PIEZO2: variants seen among roughly 807,000 people sequenced by gnomAD.
PIEZO2 encodes the protein piezo-type mechanosensitive ion channel component 2.
A neutral mutation model predicts 337.3 loss-of-function variants in PIEZO2; 172 were observed. That is an observed-to-expected ratio of 0.51 (90% CI 0.45 to 0.58). The LOEUF is 0.58. Among genes scored for constraint, PIEZO2 ranks in the 20% least tolerant of loss-of-function variants. PIEZO2 has a pLI of 0.00. For missense variants in PIEZO2, 3,028 were observed against 3,391.3 expected (o/e 0.89, Z 2.66); for synonymous variants, 1,251 against 1,228.5 (o/e 1.02, Z -0.38).
At chr18:10,701,105 T>C (rs1408663001) in intron 43 of PIEZO2, among the ~76,000 whole-genome samples, 1 of 152,208 alleles carries the variant, frequency 6.6e-6, no homozygotes, top group African/African-American at 2.4e-5. Context: ...AGCCTGGTTC[T>C]AAAAAGGATT....
In PIEZO2 at chr18:10,672,718, G is replaced by C. The variant is rs778409627; in HGVS notation, c.8317C>G (p.Pro2773Ala). 3.7e-6 allele frequency: 6 copies of C among 1,613,986 alleles called. No homozygotes were observed. The highest frequency in any genetic ancestry group is 5.1e-6 in the Non-Finnish European group (6 of 1,179,966). Reference protein sequence around the residue: ...LVVFNDKVSPPSLGFLAGYGI... With the variant: ...LVVFNDKVSPASLGFLAGYGI... ...TAGCCAGCCAGGAACCCCAGACTTG[G>C]GGGACTGACTTTGTCATTGAAGACC... is the stretch of plus-strand genomic sequence containing the variant. Residue 2773 changes from proline to alanine, a missense_variant, in exon 55 of 56, where the codon CCA becomes GCA. By Grantham distance (27) the Pro-to-Ala change is conservative (BLOSUM62 -1). Coordinates refer to ENST00000674853, the MANE Select transcript of PIEZO2 (RefSeq NM_001378183.1). The surrounding 1 kb of genome is among the most constrained non-coding windows in gnomAD (Gnocchi z 4.7).
rs1320518942 is a variant in PIEZO2, at chr18:10,784,754, A to G, written c.2492+30T>C. 7 of 1,493,946 alleles carry G rather than the reference A, an allele frequency of 4.7e-6. No individual in the cohort carries two copies. Among genetic ancestry groups the G allele is most frequent in the Middle Eastern group, 1.8e-4 (1 of 5,706 alleles). 92.5% of individuals were successfully genotyped at this position (1,493,946 alleles called of 1,614,324 possible). A position where few individuals can be genotyped will look rare whatever the true frequency, so the allele number is the denominator to read the frequency against. On this transcript the variant is annotated intron_variant, in intron 17 of 55. Transcript: ENST00000674853. This position sits in a 1 kb window ranked among gnomAD's most constrained non-coding sequence, Gnocchi z 4.5. ...GTTGAAGAGCTGCCTTCCTGCTAAT[A>G]AGAGGTCTGTGTTTCTTCCAGTGGC... is the stretch of plus-strand genomic sequence containing the variant.
In PIEZO2 at chr18:10,794,716, G is replaced by C. The variant is rs878955900; in HGVS notation, c.1758+56C>G. ...TAAGGTTTCTCTTGGATACGATTAT[G>C]ATGATGATTGTGGTTTTGTGTCATT... On this transcript the variant is annotated intron_variant, in intron 13 of 55. Transcript: ENST00000674853. The surrounding 1 kb of genome is among the most constrained non-coding windows in gnomAD (Gnocchi z 6.6). The C allele has an allele frequency of 4.0e-6, 5 of 1,257,010 alleles. 1 individual carries two copies. Among genetic ancestry groups the C allele is most frequent in the East Asian group, 5.1e-5 (2 of 39,374 alleles). The allele number at this position is 1,257,010 out of a possible 1,614,324, so 77.9% of individuals were successfully genotyped here. A position where few individuals can be genotyped will look rare whatever the true frequency, so the allele number is the denominator to read the frequency against.
rs1234143501 is a variant in PIEZO2, at chr18:10,894,339, A to G, written c.329+16847T>C. On this transcript the variant is annotated intron_variant, in intron 4 of 55. Transcript: ENST00000674853. This position sits in a 1 kb window ranked among gnomAD's most constrained non-coding sequence, Gnocchi z 4.1. ...CGTGGTGGTGGACGCCTGTAATCCC[A>G]ACTACTTGGGAGGCTGAGGCAGGAA... is the stretch of plus-strand genomic sequence containing the variant. Among the ~76,000 whole-genome samples, 4 of 152,266 alleles carry G rather than the reference A, an allele frequency of 2.6e-5. No individual in the cohort carries two copies. In the East Asian group the frequency reaches 5.8e-4, roughly 22 times the overall value.
At position 10,677,369 on chromosome 18, in the gene PIEZO2, C is replaced by A. The variant is rs781590418; in HGVS notation, c.8081+378G>T. On this transcript the variant is annotated intron_variant, in intron 53 of 55. Transcript: ENST00000674853. This position sits in a 1 kb window ranked among gnomAD's most constrained non-coding sequence, Gnocchi z 4.1. ...AGTAGCTGGGAGTACAGATGTGCAC[C>A]ACCACGCTTAGCTAATCTTTGTATT... 5.1e-6 allele frequency: 1 copy of A among 195,954 alleles called. No homozygotes were observed. The highest frequency in any genetic ancestry group is 1.0e-5 in the Non-Finnish European group (1 of 96,576). The allele number at this position is 195,954 out of a possible 1,614,324, so 12.1% of individuals were successfully genotyped here.
At chr18:10,768,436 A>G (rs2038457512) in intron 21 of PIEZO2, among the ~76,000 whole-genome samples, 1 of 152,212 alleles carries the variant, frequency 6.6e-6, no homozygotes, top group Non-Finnish European at 1.5e-5. Flanking sequence ...CAATGCACAC[A>G]CTGTCAAGAA....
In PIEZO2 at chr18:11,001,288, C is replaced by T. The variant is rs993397535; in HGVS notation, c.161-21628G>A. Among the ~76,000 whole-genome samples the T allele has an allele frequency of 3.3e-5, 5 of 152,108 alleles. No homozygotes were observed. Among genetic ancestry groups the T allele is most frequent in the African/African-American group, 1.2e-4 (5 of 41,422 alleles). Reference sequence around the variant, plus strand: ...TTTTTATGCATGGGTCATCTGGCCACGATTTCCTCAGCAGCTAGTAGAGAA... The same window carrying T: ...TTTTTATGCATGGGTCATCTGGCCATGATTTCCTCAGCAGCTAGTAGAGAA... On this transcript the variant is annotated intron_variant, in intron 2 of 55. Transcript: ENST00000674853. The surrounding 1 kb of genome is among the most constrained non-coding windows in gnomAD (Gnocchi z 5.3).
intron 8 of PIEZO2, among the ~76,000 whole-genome samples, chr18:10,805,297 T>C (rs2039964160): frequency 1.3e-5 from 2 of 152,240 alleles, no homozygotes; most frequent in South Asian, 2.1e-4. Flanking sequence ...GTGAATTACC[T>C]GAGCTCAGGA....
rs1568417661 is a variant in PIEZO2 at position 11,148,614 on chromosome 18, G to A, written c.-26C>T. Reference sequence around the variant, plus strand: ...CGCGTCGGTCCGGCGAGTCGGAGCAGAGGGGCGAGGCTCGAGGGTCCCTAG... The same window carrying A: ...CGCGTCGGTCCGGCGAGTCGGAGCAAAGGGGCGAGGCTCGAGGGTCCCTAG... On this transcript the variant is annotated 5_prime_UTR_variant, in exon 1 of 56. Coordinates refer to ENST00000674853, the MANE Select transcript of PIEZO2 (RefSeq NM_001378183.1). This position sits in a 1 kb window ranked among gnomAD's most constrained non-coding sequence, Gnocchi z 5.2. 2.0e-6 allele frequency: 3 copies of A among 1,536,520 alleles called. No homozygotes were observed. Among genetic ancestry groups the A allele is most frequent in the South Asian group, 1.2e-5 (1 of 84,046 alleles).
chr18:10,791,277 T>C lies in PIEZO2; in HGVS notation c.1806A>G (p.Thr602=). Residue 602 remains threonine, a synonymous_variant, in exon 14 of 56, where the codon ACA becomes ACG. Coordinates refer to ENST00000674853, the MANE Select transcript of PIEZO2 (RefSeq NM_001378183.1). ...TFWLLLRQHL[T]EQKALQEKEA... is the part of the protein sequence containing the mutation. ...CCTTTTCTTGCAGAGCTTTTTGCTC[T>C]GTGAGGTGCTGCCTCAGCAGTAGCC... 1 of 1,535,656 alleles carries C rather than the reference T, an allele frequency of 6.5e-7. No individual in the cohort carries two copies. Among genetic ancestry groups the C allele is most frequent in the Non-Finnish European group, 8.7e-7 (1 of 1,146,070 alleles).
rs781461197 is a variant in PIEZO2, at chr18:10,696,183, G to T, written c.7081C>A (p.Arg2361=). Residue 2361 remains arginine, a synonymous_variant, in exon 47 of 56, where the codon CGA becomes AGA. Transcript: ENST00000674853. ...ACAGTCTTCCTGAGGTAGAGGGCTC[G>T]GTCCACCACCATGGTTCCAAACTGA... ...LIQFGTMVVD[R]ALYLRKTVLG... 2 of 1,613,976 alleles carry T rather than the reference G, an allele frequency of 1.2e-6. No homozygotes were observed. The highest frequency in any genetic ancestry group is 2.7e-5 in the African/African-American group (2 of 75,050).
chr18:10,865,666 T>A (rs974442934), intron 5 of PIEZO2, among the ~76,000 whole-genome samples: 3 of 152,172 alleles, frequency 2.0e-5, no homozygotes, highest in Admixed American at 2.0e-4. Context: ...GACCAATATT[T>A]TCAAAGCAAT....
rs149910165 is a variant in PIEZO2 at position 11,078,031 on chromosome 18, C to T, written c.65-11809G>A. ...ACGCAAAAACACATGTGCGTGCACA[C>T]ACACCCACACACACCCACACACACA... On this transcript the variant is annotated intron_variant, in intron 1 of 55. Coordinates refer to ENST00000674853, the MANE Select transcript of PIEZO2 (RefSeq NM_001378183.1). The surrounding 1 kb of genome is among the most constrained non-coding windows in gnomAD (Gnocchi z 5.3). 1.8e-3 allele frequency among the ~76,000 whole-genome samples: 219 copies of T among 119,406 alleles called. 1 individual carries two copies. The highest frequency in any genetic ancestry group is 8.4e-3 in the African/African-American group (210 of 25,104). 78.3% of individuals were successfully genotyped at this position (119,406 alleles called of 152,430 possible). A position where few individuals can be genotyped will look rare whatever the true frequency, so the allele number is the denominator to read the frequency against.
chr18:10,789,203 A>G lies in PIEZO2; in HGVS notation c.2045T>C (p.Met682Thr), dbSNP rs906664567. ...MKVLGNLVVA[M>T]FIKYWIYVCG... ...GACGTAGATCCAGTACTTGATGAAC[A>G]TGGCCACCACCAGATTGCCCAGGAC... Residue 682 changes from methionine (M) to threonine (T), a missense_variant, in exon 15 of 56, where the codon ATG (methionine) becomes ACG (threonine). Coordinates refer to ENST00000674853, the MANE Select transcript of PIEZO2 (RefSeq NM_001378183.1). 12 of 1,537,162 alleles carry G rather than the reference A, an allele frequency of 7.8e-6. No homozygotes were observed. Among genetic ancestry groups the G allele is most frequent in the Non-Finnish European group, 9.6e-6 (11 of 1,146,920 alleles).
intron 3 of PIEZO2, among the ~76,000 whole-genome samples, chr18:10,957,406 C>CA (rs36005894): frequency 0.024 from 3,537 of 144,948 alleles, 55 homozygotes; most frequent in African/African-American, 0.044. Flanking sequence ...AACAAACCAA[C>CA]AAAAAAAAAA....
At chr18:10,935,341 G>A (rs1313023767) in intron 3 of PIEZO2, among the ~76,000 whole-genome samples, 1 of 152,196 alleles carries the variant, frequency 6.6e-6, no homozygotes, top group African/African-American at 2.4e-5. Context: ...CTCTCAGATT[G>A]TAACTGCCCA....
intron 4 of PIEZO2, among the ~76,000 whole-genome samples, chr18:10,880,100 C>T (rs1459679804): frequency 5.9e-5 from 9 of 152,140 alleles, no homozygotes; most frequent in Admixed American, 5.9e-4. Context: ...AAAAGTGTAT[C>T]TTTAATACTT....
Position 10,724,631 on chromosome 18 carries a change from C to T in PIEZO2, c.5030-6372G>A, listed in dbSNP as rs2036454061. On this transcript the variant is annotated intron_variant, in intron 36 of 55. Transcript: ENST00000674853. This position sits in a 1 kb window ranked among gnomAD's most constrained non-coding sequence, Gnocchi z 5.8. ...CCCCAAGACAGAATGGTGCTGGACT[C>T]GGGGTCTCAGGCGTATGATCAGGCA... 4.3e-6 allele frequency: 3 copies of T among 695,326 alleles called. No homozygotes were observed. Among genetic ancestry groups the T allele is most frequent in the Non-Finnish European group, 5.0e-6 (2 of 396,074 alleles). The allele number at this position is 695,326 out of a possible 1,614,324, so 43.1% of individuals were successfully genotyped here. A position where few individuals can be genotyped will look rare whatever the true frequency, so the allele number is the denominator to read the frequency against.
Position 10,767,503 on chromosome 18 carries a change from G to A in PIEZO2, c.2946+2645C>T, listed in dbSNP as rs2038412481. ...AAGCCCCCAGTGCCAAGATGATGGGGCAGGTGGGGATGCAGGGAGGAGAAC... is the reference window on the plus strand; with the variant it reads ...AAGCCCCCAGTGCCAAGATGATGGGACAGGTGGGGATGCAGGGAGGAGAAC... On this transcript the variant is annotated intron_variant, in intron 21 of 55. Transcript: ENST00000674853. This position sits in a 1 kb window ranked among gnomAD's most constrained non-coding sequence, Gnocchi z 4.2. Among the ~76,000 whole-genome samples, 1 of 143,200 alleles carries A rather than the reference G, an allele frequency of 7.0e-6. No homozygotes were observed. The highest frequency in any genetic ancestry group is 2.5e-5 in the African/African-American group (1 of 40,156). 93.9% of individuals were successfully genotyped at this position (143,200 alleles called of 152,430 possible). A position where few individuals can be genotyped will look rare whatever the true frequency, so the allele number is the denominator to read the frequency against.
Sources: gnomAD v4.1 joint callset for allele counts (sites outside exome capture counted in the v4.1 genomes callset) on GRCh38, gnomAD v4.1.1 for gene constraint, Gnocchi (gnomAD v3.1) non-coding constraint, MANE v1.5 for transcripts, NCBI Gene and HGNC (gene_info 2026-07-23, HGNC 2026-07-21) for gene names.